The following DMD variants were observed in gnomAD, a reference collection of about 807,000 sequenced individuals.
DMD encodes the protein dystrophin.
In DMD, 63 loss-of-function variants were observed where a neutral mutation model predicts 330.1. The observed-to-expected ratio is 0.19, with a 90% CI of 0.16 to 0.24. The LOEUF (loss-of-function observed/expected upper bound fraction) is 0.24. Ranked by LOEUF, DMD falls within the 10% of genes least tolerant of loss-of-function variation. The pLI is 1.00. For missense variants in DMD, 3,344 were observed against 2,684.1 expected (o/e 1.25, Z -5.43); for synonymous variants, 1,223 against 959.8 (o/e 1.27, Z -5.07).
At chrX:31,665,450 T>C (rs193277271) in intron 53 of DMD, among the ~76,000 whole-genome samples, 5 of 111,873 alleles carry the variant, frequency 4.5e-5, no homozygotes, top group Admixed American at 3.8e-4. Flanking sequence ...AACCTCTTTA[T>C]GGATTTATAA....
intron 44 of DMD, among the ~76,000 whole-genome samples, chrX:31,989,502 A>T (rs2095534811): frequency 8.9e-6 from 1 of 111,776 alleles, no homozygotes; most frequent in African/African-American, 3.3e-5. Context: ...AAGAAAGCTC[A>T]AATGAATCTA....
chrX:33,026,925 C>T (rs2094015238), intron 1 of DMD, among the ~76,000 whole-genome samples: 1 of 111,849 alleles, frequency 8.9e-6, no homozygotes, highest in Admixed American at 9.5e-5. Context: ...GAATGTGTTA[C>T]ATAGTAGTGC....
chrX:31,609,495 A>G (rs1159653989), intron 55 of DMD, among the ~76,000 whole-genome samples: 5 of 104,793 alleles, frequency 4.8e-5, no homozygotes, highest in African/African-American at 1.8e-4. Flanking sequence ...CTCTCTCATC[A>G]CCTGTGCATG....
chrX:31,961,869 G>C (rs746843712), intron 45 of DMD, among the ~76,000 whole-genome samples: 9 of 108,407 alleles, frequency 8.3e-5, no homozygotes, highest in Non-Finnish European at 1.7e-4. Flanking sequence ...TGAAAAACAG[G>C]GTTGGAAAGA....
chrX:32,696,224 G>T (rs765700451), intron 9 of DMD, among the ~76,000 whole-genome samples: 1 of 111,708 alleles, frequency 9.0e-6, no homozygotes, highest in Non-Finnish European at 1.9e-5. Context: ...CAGCCTGTAG[G>T]GGCAGTGAAA....
rs56954782 is a variant in DMD at position 33,152,160 on chromosome X, CTAT to C, written c.31+59119_31+59121del. ...AGATATTGTATAGTTATTAGCTTTA[CTAT>C]TATTATTATTATTATTATTATTATT... On this transcript the variant is annotated intron_variant, in intron 1 of 78. Coordinates refer to ENST00000357033, the MANE Select transcript of DMD (RefSeq NM_004006.3). Among the ~76,000 whole-genome samples, 549 of 101,136 alleles carry C rather than the reference CTAT, an allele frequency of 5.4e-3. 5 individuals carry two copies. The highest frequency in any genetic ancestry group is 0.017 in the African/African-American group (485 of 27,762). The allele number at this position is 101,136 out of a possible 115,157, so 87.8% of individuals were successfully genotyped here. A position where few individuals can be genotyped will look rare whatever the true frequency, so the allele number is the denominator to read the frequency against.
chrX:32,908,695 A>C lies in DMD; in HGVS notation c.94-58875T>G, dbSNP rs1176864957. Among the ~76,000 whole-genome samples the C allele has an allele frequency of 2.7e-5, 3 of 112,038 alleles. No homozygotes were observed. The East Asian group carries it at 8.4e-4, about 31-fold the overall frequency. On this transcript the variant is annotated intron_variant, in intron 2 of 78. Coordinates refer to ENST00000357033, the MANE Select transcript of DMD (RefSeq NM_004006.3). ...CAATCAATAAGATTATAATTACAAA[A>C]TAATGATGCCTTACAGACCCATTCT...
At chrX:31,291,911 T>C (rs1054272796) in intron 62 of DMD, among the ~76,000 whole-genome samples, 4 of 111,335 alleles carry the variant, frequency 3.6e-5, no homozygotes, top group Admixed American at 2.9e-4. Context: ...TAGATATCCA[T>C]ATTATGAAAA....
At chrX:31,245,543 C>A (rs1173154174) in intron 63 of DMD, among the ~76,000 whole-genome samples, 4 of 112,033 alleles carry the variant, frequency 3.6e-5, no homozygotes, top group Non-Finnish European at 5.6e-5. Context: ...GCATTGTTTA[C>A]AAACTGAAGG....
intron 2 of DMD, among the ~76,000 whole-genome samples, chrX:32,961,110 G>A (rs2091876751): frequency 9.0e-6 from 1 of 111,123 alleles, no homozygotes; most frequent in East Asian, 2.8e-4. Context: ...CCTATTGAAA[G>A]ATAAGTTATG....
chrX:31,363,372 C>CTTT (rs752548187), intron 60 of DMD, among the ~76,000 whole-genome samples: 29 of 51,872 alleles, frequency 5.6e-4, no homozygotes, highest in African/African-American at 1.8e-3. Flanking sequence ...AGACATGTAT[C>CTTT]TTTTTTTTTT....
chrX:31,223,912 A>G (rs2046341041), intron 63 of DMD, among the ~76,000 whole-genome samples: 1 of 112,737 alleles, frequency 8.9e-6, no homozygotes, highest in Non-Finnish European at 1.9e-5. Flanking sequence ...TTGGCTCTAT[A>G]TTCTAAGGTA....
At chrX:32,954,240 C>T (rs1402181813) in intron 2 of DMD, among the ~76,000 whole-genome samples, 1 of 112,180 alleles carries the variant, frequency 8.9e-6, no homozygotes. Context: ...AATTCCAATA[C>T]GATTGCTCCA....
At chrX:31,467,583 AT>A (rs1291534086) in intron 59 of DMD, among the ~76,000 whole-genome samples, 1 of 111,026 alleles carries the variant, frequency 9.0e-6, no homozygotes, top group African/African-American at 3.3e-5. Context: ...TTTATTGAGG[AT>A]TTTCGCATTG....
chrX:31,688,511 C>T (rs1421508986), intron 52 of DMD, among the ~76,000 whole-genome samples: 11 of 111,381 alleles, frequency 9.9e-5, no homozygotes, highest in East Asian at 5.6e-4. Context: ...CAGGACCAGA[C>T]GGATTCACAG....
intron 9 of DMD, among the ~76,000 whole-genome samples, chrX:32,645,889 C>T (rs143796506): frequency 2.2e-3 from 250 of 111,949 alleles, no homozygotes; most frequent in African/African-American, 7.8e-3. Context: ...GCAAAGTGTA[C>T]GAAGCATCCA....
intron 43 of DMD, among the ~76,000 whole-genome samples, chrX:32,223,462 C>A (rs2097137950): frequency 9.0e-6 from 1 of 111,638 alleles, no homozygotes; most frequent in Non-Finnish European, 1.9e-5. Context: ...TTAATAAATA[C>A]TGAAGTAGTT....
chrX:33,013,696 A>G (rs920466985), intron 2 of DMD, among the ~76,000 whole-genome samples: 4 of 112,738 alleles, frequency 3.5e-5, no homozygotes, highest in African/African-American at 1.3e-4. Flanking sequence ...GGAAAGGTAC[A>G]TATATATTGT....
At position 31,845,033 on chromosome X, in the gene DMD, T is replaced by TATATATATATATGTATATGTGTATAC. The variant is rs1569474402; in HGVS notation, c.7099-8215_7099-8214insGTATACACATATACATATATATATAT. 2.2e-3 allele frequency among the ~76,000 whole-genome samples: 219 copies of TATATATATATATGTATATGTGTATAC among 99,297 alleles called. 1 individual carries two copies. The highest frequency in any genetic ancestry group is 7.5e-3 in the African/African-American group (192 of 25,603). 86.2% of individuals were successfully genotyped at this position (99,297 alleles called of 115,157 possible). A position where few individuals can be genotyped will look rare whatever the true frequency, so the allele number is the denominator to read the frequency against. On this transcript the variant is annotated intron_variant, in intron 48 of 78. Transcript: ENST00000357033. ...GTATGCCTGTATATGTGTATACATA[T>TATATATATATATGTATATGTGTATAC]ATATATATATATGTATATGTGTGTA...
Sources: gnomAD v4.1 joint callset for allele counts (sites outside exome capture counted in the v4.1 genomes callset) on GRCh38, gnomAD v4.1.1 for gene constraint, MANE v1.5 for transcripts, NCBI Gene and HGNC (gene_info 2026-07-23, HGNC 2026-07-21) for gene names.